The following RAD51B variants were observed in gnomAD, a reference collection of about 807,000 sequenced individuals.
The protein encoded by RAD51B is RAD51 paralog B.
A neutral mutation model predicts 42.2 loss-of-function variants in RAD51B; 38 were observed. The observed-to-expected ratio is 0.90, with a 90% CI of 0.70 to 1.18. RAD51B has a LOEUF of 1.18. Ranked by LOEUF, RAD51B falls within the 50% of genes most tolerant of loss-of-function variation. The pLI is 0.00. For missense variants in RAD51B, 373 were observed against 400.7 expected (o/e 0.93, Z 0.59); for synonymous variants, 154 against 145.2 (o/e 1.06, Z -0.43).
chr14:67,958,126 T>C (rs541455660), intron 7 of RAD51B, among the ~76,000 whole-genome samples: 1 of 152,226 alleles, frequency 6.6e-6, no homozygotes, highest in African/African-American at 2.4e-5. Flanking sequence ...TCTGTTTATA[T>C]GTCTGTGTCA....
intron 4 of RAD51B, among the ~76,000 whole-genome samples, chr14:67,856,154 CT>C (rs1015846812): frequency 2.6e-5 from 4 of 152,128 alleles, no homozygotes; most frequent in Admixed American, 1.3e-4. Flanking sequence ...CCATTCCCTC[CT>C]GCTTTTTCTG....
chr14:68,617,319 G>A (rs996688513), intron 10 of RAD51B, among the ~76,000 whole-genome samples: 1 of 152,174 alleles, frequency 6.6e-6, no homozygotes, highest in African/African-American at 2.4e-5. Flanking sequence ...GGATAGTTCA[G>A]TCTTACTATC....
At chr14:68,334,553 A>T (rs1313424132) in intron 8 of RAD51B, among the ~76,000 whole-genome samples, 1 of 152,136 alleles carries the variant, frequency 6.6e-6, no homozygotes, top group Non-Finnish European at 1.5e-5. Context: ...GCTTTATTGA[A>T]AAAATCCATA....
intron 7 of RAD51B, among the ~76,000 whole-genome samples, chr14:67,946,900 A>G (rs1033196071): frequency 1.3e-5 from 2 of 152,178 alleles, no homozygotes; most frequent in African/African-American, 4.8e-5. Context: ...TTAAGTTGTT[A>G]ACTATGGTTC....
chr14:68,361,120 G>C (rs1043022938), intron 8 of RAD51B, among the ~76,000 whole-genome samples: 5 of 152,184 alleles, frequency 3.3e-5, no homozygotes, highest in African/African-American at 1.2e-4. Flanking sequence ...CTTTAGGGGA[G>C]ATGGGAGACA....
At chr14:68,299,791 A>G (rs1190170782) in intron 8 of RAD51B, among the ~76,000 whole-genome samples, 2 of 152,226 alleles carry the variant, frequency 1.3e-5, no homozygotes, top group East Asian at 1.9e-4. Context: ...ATGACTATGT[A>G]TAAATAGGAA....
intron 8 of RAD51B, among the ~76,000 whole-genome samples, chr14:68,407,286 A>G (rs2084303552): frequency 6.6e-6 from 1 of 152,206 alleles, no homozygotes; most frequent in Admixed American, 6.5e-5. Flanking sequence ...GTATTTACTA[A>G]ACTGGTTATT....
intron 5 of RAD51B, among the ~76,000 whole-genome samples, chr14:67,867,904 A>G (rs1280590058): frequency 6.6e-6 from 1 of 152,232 alleles, no homozygotes; most frequent in Admixed American, 6.5e-5. Flanking sequence ...TGTTTAAAGG[A>G]TTAATATGAT....
At chr14:67,946,297 G>C (rs1005205929) in intron 7 of RAD51B, among the ~76,000 whole-genome samples, 1 of 152,138 alleles carries the variant, frequency 6.6e-6, no homozygotes, top group African/African-American at 2.4e-5. Context: ...GGAATAAATA[G>C]CTAAAGAAAT....
chr14:68,412,585 C>G (rs556980871), intron 9 of RAD51B, among the ~76,000 whole-genome samples: 2 of 152,188 alleles, frequency 1.3e-5, no homozygotes, highest in African/African-American at 2.4e-5. Flanking sequence ...GAGAATTCTT[C>G]TTGGTTTGCT....
intron 5 of RAD51B, among the ~76,000 whole-genome samples, chr14:67,874,999 C>T (rs1483984318): frequency 2.6e-5 from 4 of 152,114 alleles, no homozygotes; most frequent in East Asian, 1.9e-4. Flanking sequence ...AAAGTTGGGT[C>T]TTAGAACTGC....
chr14:68,083,846 A>C (rs1165491613), intron 7 of RAD51B, among the ~76,000 whole-genome samples: 2 of 152,176 alleles, frequency 1.3e-5, no homozygotes, highest in Admixed American at 6.5e-5. Context: ...AGCGACAATA[A>C]AACTTACTCC....
At chr14:67,948,210 C>T (rs547749902) in intron 7 of RAD51B, among the ~76,000 whole-genome samples, 1 of 152,270 alleles carries the variant, frequency 6.6e-6, no homozygotes, top group African/African-American at 2.4e-5. Flanking sequence ...GATGGACTCT[C>T]CTAAGAGTGA....
intron 8 of RAD51B, among the ~76,000 whole-genome samples, chr14:68,403,970 G>C (rs2084192611): frequency 6.6e-6 from 1 of 152,156 alleles, no homozygotes; most frequent in Non-Finnish European, 1.5e-5. Context: ...AGATGGGTTA[G>C]CAATCACAGA....
At chr14:68,524,654 C>T (rs534850912) in intron 10 of RAD51B, among the ~76,000 whole-genome samples, 12 of 152,278 alleles carry the variant, frequency 7.9e-5, no homozygotes, top group South Asian at 2.1e-4. Flanking sequence ...CCCTTGTAGT[C>T]GCTGTTCAGA....
intron 7 of RAD51B, among the ~76,000 whole-genome samples, chr14:67,929,948 C>G (rs969316549): frequency 1.3e-5 from 2 of 152,008 alleles, no homozygotes; most frequent in Non-Finnish European, 2.9e-5. Flanking sequence ...TCGTGCCCAG[C>G]TTCTTTGTCT....
At chr14:67,921,567 T>TCACACACACACACACACACA (rs3219795) in intron 7 of RAD51B, among the ~76,000 whole-genome samples, 2 of 125,876 alleles carry the variant, frequency 1.6e-5, no homozygotes, top group Non-Finnish European at 3.4e-5. Context: ...TATGTGCACA[T>TCACACACACACACACACACA]CACACACACA....
intron 7 of RAD51B, among the ~76,000 whole-genome samples, chr14:68,180,063 A>G (rs926748552): frequency 6.6e-6 from 1 of 152,148 alleles, no homozygotes; most frequent in African/African-American, 2.4e-5. Flanking sequence ...AGCTTGGCCT[A>G]TGGCACCGAC....
chr14:68,283,610 C>T (rs1187925847), intron 7 of RAD51B, among the ~76,000 whole-genome samples: 2 of 152,188 alleles, frequency 1.3e-5, no homozygotes, highest in African/African-American at 4.8e-5. Context: ...AGGATGCCGT[C>T]GGGGTTGGGC....
Sources: gnomAD v4.1 joint callset for allele counts (sites outside exome capture counted in the v4.1 genomes callset) on GRCh38, gnomAD v4.1.1 for gene constraint, MANE v1.5 for transcripts, NCBI Gene and HGNC (gene_info 2026-07-23, HGNC 2026-07-21) for gene names.